Variants in TBC1D5 observed in about 807,000 individuals in gnomAD.
TBC1D5 encodes TBC1 domain family, member 5.
In TBC1D5, 75 loss-of-function variants were observed where a neutral mutation model predicts 100.3. That is an observed-to-expected ratio of 0.75 (90% CI 0.62 to 0.91). The LOEUF (loss-of-function observed/expected upper bound fraction) is 0.91. Among genes scored for constraint, TBC1D5 ranks in the 40% least tolerant of loss-of-function variants. The pLI, the probability that TBC1D5 is intolerant of heterozygous loss-of-function variation, is 0.00. For synonymous variants in TBC1D5, 323 were observed against 325.6 expected (o/e 0.99, Z 0.09); for missense variants, 910 against 942.4 (o/e 0.97, Z 0.45).
At chr3:17,520,138 T>C (rs901043060) in intron 2 of TBC1D5, among the ~76,000 whole-genome samples, 1 of 152,222 alleles carries the variant, frequency 6.6e-6, no homozygotes, top group Non-Finnish European at 1.5e-5. Flanking sequence ...TTTTGAAATG[T>C]CAGCCTTGAA....
At chr3:17,647,751 C>T (rs1360196892) in intron 1 of TBC1D5, among the ~76,000 whole-genome samples, 2 of 152,050 alleles carry the variant, frequency 1.3e-5, no homozygotes, top group East Asian at 3.9e-4. Flanking sequence ...AAAATAAGGA[C>T]AACAGTTGAA....
intron 2 of TBC1D5, among the ~76,000 whole-genome samples, chr3:17,621,940 C>T (rs940787802): frequency 1.2e-4 from 19 of 152,168 alleles, no homozygotes; most frequent in Non-Finnish European, 2.8e-4. Flanking sequence ...TGGTTTTCCT[C>T]TTTCCAGCAA....
chr3:17,568,354 T>C (rs868758910), intron 2 of TBC1D5, among the ~76,000 whole-genome samples: 8 of 151,484 alleles, frequency 5.3e-5, no homozygotes, highest in Non-Finnish European at 1.0e-4. Context: ...TAACATAGTT[T>C]GGTTAAAAAA....
chr3:17,240,134 G>C (rs1292675812), intron 16 of TBC1D5, among the ~76,000 whole-genome samples: 6 of 152,010 alleles, frequency 3.9e-5, no homozygotes, highest in Non-Finnish European at 5.9e-5. Flanking sequence ...CAGATCCATA[G>C]TTCTATAATA....
At chr3:17,646,725 A>C (rs769905575) in intron 1 of TBC1D5, among the ~76,000 whole-genome samples, 3 of 152,092 alleles carry the variant, frequency 2.0e-5, no homozygotes, top group Non-Finnish European at 4.4e-5. Context: ...ATCTGACCAC[A>C]CTTTCAGTGG....
chr3:17,281,494 C>T (rs1056036484), intron 15 of TBC1D5, among the ~76,000 whole-genome samples: 3 of 152,180 alleles, frequency 2.0e-5, no homozygotes, highest in East Asian at 1.9e-4. Context: ...GGCTCACCCA[C>T]GCGTACGAAG....
chr3:17,323,773 C>G (rs991098686), intron 13 of TBC1D5, among the ~76,000 whole-genome samples: 1 of 151,984 alleles, frequency 6.6e-6, no homozygotes, highest in African/African-American at 2.4e-5. Context: ...TTTATAGATT[C>G]AATGCAATCT....
intron 13 of TBC1D5, among the ~76,000 whole-genome samples, chr3:17,343,609 G>A (rs1013832912): frequency 4.0e-5 from 6 of 150,998 alleles, no homozygotes; most frequent in African/African-American, 1.5e-4. Flanking sequence ...GACTCTTTTT[G>A]GTTGGTAAGC....
intron 1 of TBC1D5, among the ~76,000 whole-genome samples, chr3:17,669,335 T>C (rs2067659965): frequency 6.6e-6 from 1 of 152,176 alleles, no homozygotes; most frequent in Admixed American, 6.5e-5. Flanking sequence ...CAGGCAGTTC[T>C]TTATAGCAGC....
chr3:17,257,971 TTC>T (rs1192501430), intron 16 of TBC1D5, among the ~76,000 whole-genome samples: 14 of 152,280 alleles, frequency 9.2e-5, no homozygotes, highest in African/African-American at 3.4e-4. Context: ...AACAAAACCA[TTC>T]ATCAACCCTT....
intron 2 of TBC1D5, among the ~76,000 whole-genome samples, chr3:17,576,833 T>G (rs2096659878): frequency 6.6e-6 from 1 of 152,000 alleles, no homozygotes; most frequent in Non-Finnish European, 1.5e-5. Context: ...TGATGGAATA[T>G]GTGTACGTCT....
intron 17 of TBC1D5, among the ~76,000 whole-genome samples, chr3:17,225,019 A>T (rs2074697161): frequency 1.3e-5 from 2 of 152,212 alleles, no homozygotes; most frequent in South Asian, 4.1e-4. Flanking sequence ...GAACACAAAC[A>T]TTCAGACCCT....
chr3:17,199,855 G>T (rs562859546), intron 18 of TBC1D5, among the ~76,000 whole-genome samples: 2 of 152,182 alleles, frequency 1.3e-5, no homozygotes, highest in African/African-American at 4.8e-5. Flanking sequence ...TATTTAATGA[G>T]ATCAGGCCAT....
intron 14 of TBC1D5, among the ~76,000 whole-genome samples, chr3:17,298,499 C>T (rs1241355100): frequency 6.6e-6 from 1 of 152,010 alleles, no homozygotes; most frequent in Non-Finnish European, 1.5e-5. Flanking sequence ...AGGTGTCGGC[C>T]AACAATATGT....
chr3:17,426,973 T>C (rs1362690584), intron 4 of TBC1D5, among the ~76,000 whole-genome samples: 1 of 152,034 alleles, frequency 6.6e-6, no homozygotes, highest in African/African-American at 2.4e-5. Context: ...ATTCCTCTGT[T>C]ACATGTCAAC....
intron 1 of TBC1D5, among the ~76,000 whole-genome samples, chr3:17,710,816 G>A (rs1486681078): frequency 2.0e-5 from 3 of 152,028 alleles, no homozygotes; most frequent in Admixed American, 1.3e-4. Flanking sequence ...TCCTGCCTCG[G>A]CCTCCTGAGT....
At chr3:17,252,132 A>G (rs574466533) in intron 16 of TBC1D5, among the ~76,000 whole-genome samples, 5 of 152,176 alleles carry the variant, frequency 3.3e-5, no homozygotes, top group Non-Finnish European at 7.3e-5. Context: ...GATAAAATAA[A>G]TGGTAGCTGA....
intron 2 of TBC1D5, among the ~76,000 whole-genome samples, chr3:17,603,337 G>A (rs1306179596): frequency 2.0e-5 from 3 of 152,094 alleles, no homozygotes; most frequent in South Asian, 2.1e-4. Flanking sequence ...CTGGTAAAAT[G>A]AGATGCGTAA....
At chr3:17,206,446 T>A (rs542213808) in intron 18 of TBC1D5, among the ~76,000 whole-genome samples, 1 of 152,222 alleles carries the variant, frequency 6.6e-6, no homozygotes, top group African/African-American at 2.4e-5. Flanking sequence ...GTTAGGCAAT[T>A]CTCCAGTTTT....
Sources: gnomAD v4.1 joint callset for allele counts (sites outside exome capture counted in the v4.1 genomes callset) on GRCh38, gnomAD v4.1.1 for gene constraint, MANE v1.5 for transcripts, NCBI Gene and HGNC (gene_info 2026-07-23, HGNC 2026-07-21) for gene names.